GALNTL6: variants seen among roughly 807,000 people sequenced by gnomAD.
GALNTL6 encodes the protein polypeptide N-acetylgalactosaminyltransferase-like 6.
A neutral mutation model predicts 73.7 loss-of-function variants in GALNTL6; 46 were observed. That is an observed-to-expected ratio of 0.62 (90% CI 0.49 to 0.80). The LOEUF (loss-of-function observed/expected upper bound fraction) is 0.80, where lower values mean the gene tolerates loss of function less well. GALNTL6 is among the 30% of genes least tolerant of loss of function. The pLI is 0.00. For missense variants in GALNTL6, 604 were observed against 755.0 expected (o/e 0.80, Z 2.34); for synonymous variants, 259 against 263.7 (o/e 0.98, Z 0.17).
intron 11 of GALNTL6, among the ~76,000 whole-genome samples, chr4:173,017,956 C>G (rs2126509552): frequency 6.6e-6 from 1 of 152,296 alleles, no homozygotes; most frequent in African/African-American, 2.4e-5. Context: ...TGAGGTGTGA[C>G]AGAAGCAAGA....
intron 5 of GALNTL6, among the ~76,000 whole-genome samples, chr4:172,749,948 G>T (rs1737333092): frequency 6.6e-6 from 1 of 152,032 alleles, no homozygotes. Flanking sequence ...AATAGTTATT[G>T]CTATCCTTCA....
At chr4:171,922,637 T>C (rs2110981293) in intron 2 of GALNTL6, among the ~76,000 whole-genome samples, 1 of 152,254 alleles carries the variant, frequency 6.6e-6, no homozygotes, top group East Asian at 1.9e-4. Flanking sequence ...TTTGGAATAT[T>C]GCGGAATAAT....
chr4:172,446,079 G>T (rs943597807), intron 5 of GALNTL6, among the ~76,000 whole-genome samples: 4 of 152,118 alleles, frequency 2.6e-5, no homozygotes, highest in Non-Finnish European at 4.4e-5. Context: ...AAAGCAGCAG[G>T]TGTAATAATA....
intron 3 of GALNTL6, among the ~76,000 whole-genome samples, chr4:172,310,026 A>G (rs868598420): frequency 6.6e-6 from 1 of 152,132 alleles, no homozygotes; most frequent in Admixed American, 6.5e-5. Context: ...AATCTAAAAA[A>G]CAAAATCCAG....
intron 3 of GALNTL6, among the ~76,000 whole-genome samples, chr4:172,232,934 C>T (rs974640910): frequency 2.6e-5 from 4 of 152,100 alleles, no homozygotes; most frequent in East Asian, 1.9e-4. Context: ...GTGACAAGCA[C>T]GTATCCTACA....
rs188620340 is a variant in GALNTL6, at chr4:171,904,478, G to A, written c.138+89760G>A. 1.8e-3 allele frequency among the ~76,000 whole-genome samples: 281 copies of A among 152,310 alleles called. 1 individual carries two copies. Among genetic ancestry groups the A allele is most frequent in the Admixed American group, 9.9e-3 (152 of 15,302 alleles). On this transcript the variant is annotated intron_variant, in intron 2 of 12. Transcript: ENST00000506823. The stretch of plus-strand genomic sequence containing the variant: ...AAAAAGAAACGAGTAAAGCCTCCAA[G>A]AAATATGGGACTATGTGAAAAGACC...
intron 5 of GALNTL6, among the ~76,000 whole-genome samples, chr4:172,595,045 A>G (rs1478225730): frequency 6.6e-6 from 1 of 152,202 alleles, no homozygotes. Context: ...CATGAGAAGA[A>G]GAGGAGTAGA....
chr4:172,344,119 A>G (rs1290885659), intron 4 of GALNTL6, among the ~76,000 whole-genome samples: 1 of 152,190 alleles, frequency 6.6e-6, no homozygotes, highest in Non-Finnish European at 1.5e-5. Context: ...TGCATTTGTA[A>G]CCATAAAAAG....
intron 2 of GALNTL6, among the ~76,000 whole-genome samples, chr4:172,153,107 C>A (rs1734149146): frequency 6.6e-6 from 1 of 152,234 alleles, no homozygotes; most frequent in African/African-American, 2.4e-5. Flanking sequence ...CGCTTATTGA[C>A]ACCAACCCCT....
intron 7 of GALNTL6, among the ~76,000 whole-genome samples, chr4:172,833,268 A>C (rs775110197): frequency 4.0e-5 from 6 of 151,572 alleles, no homozygotes; most frequent in Non-Finnish European, 7.4e-5. Context: ...TTTTCTCAGT[A>C]ATTCTGGAAA....
chr4:172,915,503 A>G (rs1747454529), intron 8 of GALNTL6, among the ~76,000 whole-genome samples: 1 of 152,238 alleles, frequency 6.6e-6, no homozygotes, highest in South Asian at 2.1e-4. Context: ...ATGGCTAGCA[A>G]GACTAATAAA....
At chr4:172,351,741 T>C (rs560235685) in intron 5 of GALNTL6, among the ~76,000 whole-genome samples, 1 of 152,286 alleles carries the variant, frequency 6.6e-6, no homozygotes, top group East Asian at 1.9e-4. Context: ...TACAGGAAGA[T>C]ATAGGAATTC....
intron 5 of GALNTL6, among the ~76,000 whole-genome samples, chr4:172,502,960 A>G (rs1734313972): frequency 6.6e-6 from 1 of 152,218 alleles, no homozygotes; most frequent in African/African-American, 2.4e-5. Flanking sequence ...AAGTAATAGC[A>G]AACTAAATAT....
At chr4:172,466,828 A>G (rs757980692) in intron 5 of GALNTL6, among the ~76,000 whole-genome samples, 9 of 152,158 alleles carry the variant, frequency 5.9e-5, no homozygotes, top group Non-Finnish European at 1.0e-4. Context: ...CTGCAAATTT[A>G]TTATCTTGTT....
At chr4:172,384,963 G>T (rs1048214434) in intron 5 of GALNTL6, among the ~76,000 whole-genome samples, 3 of 61,562 alleles carry the variant, frequency 4.9e-5, no homozygotes, top group African/African-American at 1.3e-4. Flanking sequence ...ATGTTATGTT[G>T]TAATTTTGTG....
intron 5 of GALNTL6, among the ~76,000 whole-genome samples, chr4:172,502,811 T>C (rs565527456): frequency 1.1e-3 from 162 of 152,212 alleles, no homozygotes; most frequent in African/African-American, 3.9e-3. Flanking sequence ...CAGGCAGAGG[T>C]TAAGTCACTT....
At chr4:171,817,414 T>C (rs1313586030) in intron 2 of GALNTL6, among the ~76,000 whole-genome samples, 2 of 151,788 alleles carry the variant, frequency 1.3e-5, no homozygotes, top group East Asian at 3.9e-4. Flanking sequence ...GTTATTTATA[T>C]TTTAGCAGAT....
At chr4:171,941,252 T>C (rs1738534989) in intron 2 of GALNTL6, among the ~76,000 whole-genome samples, 1 of 152,174 alleles carries the variant, frequency 6.6e-6, no homozygotes, top group South Asian at 2.1e-4. Flanking sequence ...ATTGTAGAAC[T>C]CTCCACCTTA....
chr4:171,983,056 CT>C (rs1739953312), intron 2 of GALNTL6, among the ~76,000 whole-genome samples: 1 of 152,012 alleles, frequency 6.6e-6, no homozygotes, highest in Non-Finnish European at 1.5e-5. Flanking sequence ...CCGAAAAACC[CT>C]TTTGAAAAAA....
Sources: gnomAD v4.1 joint callset for allele counts (sites outside exome capture counted in the v4.1 genomes callset) on GRCh38, gnomAD v4.1.1 for gene constraint, MANE v1.5 for transcripts, NCBI Gene and HGNC (gene_info 2026-07-23, HGNC 2026-07-21) for gene names.